EXOC6: variants seen among roughly 807,000 people sequenced by gnomAD.
EXOC6 encodes the protein SEC15-like 1.
EXOC6 carries 60 observed loss-of-function variants against 112.5 expected under a neutral mutation model. The observed-to-expected ratio is 0.53, with a 90% confidence interval of 0.43 to 0.66. EXOC6 has a LOEUF of 0.66. EXOC6 is among the 30% of genes least tolerant of loss of function. EXOC6 has a pLI of 0.00. For missense variants in EXOC6, 855 were observed against 957.1 expected (o/e 0.89, Z 1.41); for synonymous variants, 295 against 308.0 (o/e 0.96, Z 0.44).
intron 17 of EXOC6, among the ~76,000 whole-genome samples, chr10:92,972,889 G>A (rs113804264): frequency 1.3e-5 from 2 of 152,310 alleles, no homozygotes; most frequent in African/African-American, 4.8e-5. Context: ...TGTGTACACA[G>A]CCCTATGTAT....
rs200343482 is a variant in EXOC6, at chr10:92,948,570, T to C, written c.1416+191T>C. On this transcript the variant is annotated intron_variant, in intron 14 of 21. Coordinates refer to ENST00000260762, the MANE Select transcript of EXOC6 (RefSeq NM_019053.6). ...AGTATGTTATTACTACTACTACTAC[T>C]ACCACTACTACTACTACTACTACTA... Among the ~76,000 whole-genome samples, 171 of 111,254 alleles carry C rather than the reference T, an allele frequency of 1.5e-3. 6 individuals are homozygous for C. The Admixed American group carries it at 0.016, about 11-fold the overall frequency. 73.0% of individuals were successfully genotyped at this position (111,254 alleles called of 152,430 possible).
intron 6 of EXOC6, among the ~76,000 whole-genome samples, chr10:92,911,395 T>C (rs1356062123): frequency 6.6e-6 from 1 of 152,194 alleles, no homozygotes; most frequent in Non-Finnish European, 1.5e-5. Flanking sequence ...GTGCATGCCA[T>C]GGGAGTTAAA....
At chr10:93,044,121 T>A (rs1845904364) in intron 20 of EXOC6, among the ~76,000 whole-genome samples, 1 of 152,218 alleles carries the variant, frequency 6.6e-6, no homozygotes, top group Non-Finnish European at 1.5e-5. Context: ...GATAACTGCC[T>A]TTTTTCTTCA....
rs1489016944 is a variant in EXOC6, at chr10:92,893,393, A to C, written c.146A>C (p.Glu49Ala). 1.2e-6 allele frequency: 2 copies of C among 1,612,458 alleles called. No homozygotes were observed. Among genetic ancestry groups the C allele is most frequent in the Non-Finnish European group, 1.7e-6 (2 of 1,179,194 alleles). ...CCAAATGCGCACAAGAAGTTTATGG[A>C]AAAGTTAGATGCTTGTATCCGTAAT... Reference protein sequence around the residue: ...DQPNAHKKFMEKLDACIRNHD... With the variant: ...DQPNAHKKFMAKLDACIRNHD... Residue 49 changes from glutamate (E) to alanine (A), a missense_variant, in exon 2 of 22, where the codon GAA becomes GCA. This residue lies in a region of EXOC6 where 405 missense variants were observed against 393.6 expected (regional missense o/e 1.03). Transcript: ENST00000260762.
At chr10:93,030,318 G>A (rs1845215912) in intron 20 of EXOC6, among the ~76,000 whole-genome samples, 1 of 152,040 alleles carries the variant, frequency 6.6e-6, no homozygotes, top group Admixed American at 6.5e-5. Flanking sequence ...TGCCTGCCTC[G>A]ACCTCCCAAA....
intron 1 of EXOC6, among the ~76,000 whole-genome samples, chr10:92,841,075 T>C (rs1846833096): frequency 6.6e-6 from 1 of 152,226 alleles, no homozygotes; most frequent in South Asian, 2.1e-4. Context: ...ACTTAAAATC[T>C]ACTTTGAGCA....
At chr10:92,864,194 G>A (rs1848057224) in intron 1 of EXOC6, among the ~76,000 whole-genome samples, 1 of 152,132 alleles carries the variant, frequency 6.6e-6, no homozygotes, top group South Asian at 2.1e-4. Context: ...TTACACAGAA[G>A]GTAAAGAGTA....
chr10:93,029,054 C>T (rs1197848760), intron 20 of EXOC6, among the ~76,000 whole-genome samples: 1 of 152,052 alleles, frequency 6.6e-6, no homozygotes, highest in Non-Finnish European at 1.5e-5. Context: ...TTGGCATAGC[C>T]ACCTCAGCCT....
chr10:92,884,221 G>T (rs1849097904), intron 1 of EXOC6, among the ~76,000 whole-genome samples: 2 of 152,114 alleles, frequency 1.3e-5, no homozygotes, highest in African/African-American at 4.8e-5. Context: ...TTCTGATAAA[G>T]GTTTGTAGAA....
At chr10:93,054,390 A>G (rs1846452154) in intron 20 of EXOC6, among the ~76,000 whole-genome samples, 1 of 152,208 alleles carries the variant, frequency 6.6e-6, no homozygotes, top group Non-Finnish European at 1.5e-5. Context: ...ATTCGTGCAG[A>G]TTTCTACAGA....
At chr10:92,911,901 TTC>T (rs113097452) in intron 6 of EXOC6, among the ~76,000 whole-genome samples, 73,105 of 139,428 alleles carry the variant, frequency 0.52, 18,686 homozygotes, top group Admixed American at 0.6. Context: ...TCTTGTGGGT[TTC>T]TCTCTCTCTC....
chr10:92,862,427 C>G (rs1270749787), intron 1 of EXOC6, among the ~76,000 whole-genome samples: 2 of 152,038 alleles, frequency 1.3e-5, no homozygotes, highest in African/African-American at 4.8e-5. Context: ...GGGCACATCA[C>G]TCATGAATGG....
chr10:92,973,586 T>C lies in EXOC6; in HGVS notation c.1774-467T>C, dbSNP rs1271455160. ...TTTCTTTCTTCTCAGAGAAATTAAC[T>C]ATCTCAATCTCTTTCTCTTCTGCCT... is the stretch of plus-strand genomic sequence containing the variant. On this transcript the variant is annotated intron_variant, in intron 17 of 21. Coordinates refer to ENST00000260762, the MANE Select transcript of EXOC6 (RefSeq NM_019053.6). 2.0e-5 allele frequency among the ~76,000 whole-genome samples: 3 copies of C among 152,222 alleles called. No individual in the cohort carries two copies. In the East Asian group the frequency reaches 5.8e-4, roughly 29 times the overall value.
chr10:93,056,530 CAATTT>C (rs1272971543), intron 20 of EXOC6, among the ~76,000 whole-genome samples: 1 of 152,148 alleles, frequency 6.6e-6, no homozygotes, highest in Non-Finnish European at 1.5e-5. Context: ...AAAAAAGGTT[CAATTT>C]AAGTTCTTTA....
At chr10:92,909,782 C>G in intron 6 of EXOC6, 151 bp downstream of exon 6, 1 of 584,414 alleles carries the variant, frequency 1.7e-6, no homozygotes. Flanking sequence ...AGGATTCTAT[C>G]AGTGTTTTCT....
At chr10:92,975,189 T>C (rs1842467986) in intron 18 of EXOC6, among the ~76,000 whole-genome samples, 1 of 146,940 alleles carries the variant, frequency 6.8e-6, no homozygotes, top group Non-Finnish European at 1.5e-5. Context: ...GCCCATCGTC[T>C]GAGATGTGGG....
intron 4 of EXOC6, among the ~76,000 whole-genome samples, chr10:92,897,025 G>A (rs1220047344): frequency 6.6e-6 from 1 of 152,144 alleles, no homozygotes; most frequent in African/African-American, 2.4e-5. Flanking sequence ...TTATAGTCAT[G>A]TTTAATAATA....
At chr10:93,035,236 A>G (rs1412092790) in intron 20 of EXOC6, among the ~76,000 whole-genome samples, 9 of 152,168 alleles carry the variant, frequency 5.9e-5, no homozygotes, top group Non-Finnish European at 1.2e-4. Context: ...GGAAGTTTAT[A>G]GTTTATGTGC....
chr10:92,962,352 GTATA>G (rs1441391626), intron 17 of EXOC6, among the ~76,000 whole-genome samples: 1 of 151,948 alleles, frequency 6.6e-6, no homozygotes, highest in Admixed American at 6.6e-5. Flanking sequence ...AAGCAAAAAT[GTATA>G]TATAATGTAA....
Sources: gnomAD v4.1 joint callset for allele counts (sites outside exome capture counted in the v4.1 genomes callset) on GRCh38, gnomAD v4.1.1 for gene constraint, gnomAD v4.1.1 regional missense constraint, MANE v1.5 for transcripts, NCBI Gene and HGNC (gene_info 2026-07-23, HGNC 2026-07-21) for gene names.